The following RBFOX1 variants were observed in gnomAD, a reference collection of about 807,000 sequenced individuals.
RBFOX1 encodes the protein RNA binding protein fox-1 homolog 1.
In RBFOX1, 8 loss-of-function variants were observed where a neutral mutation model predicts 57.7. The ratio of observed to expected loss-of-function variants is 0.14; its 90% CI spans 0.08 to 0.25. The LOEUF (loss-of-function observed/expected upper bound fraction) is 0.25. RBFOX1 is among the 10% of genes least tolerant of loss of function. The pLI is 1.00. For synonymous variants in RBFOX1, 326 were observed against 222.4 expected, an observed-to-expected ratio of 1.47 and a Z score of -4.15; for missense variants, 611 against 548.5, an observed-to-expected ratio of 1.11 and a Z score of -1.14.
At chr16:5,434,637 C>G (rs754408534) in intron 1 of RBFOX1, among the ~76,000 whole-genome samples, 1 of 152,034 alleles carries the variant, frequency 6.6e-6, no homozygotes, top group Non-Finnish European at 1.5e-5. Context: ...AGTTCTCCTT[C>G]GTGCCTCTAA....
At chr16:7,415,689 T>C (rs542737020) in intron 4 of RBFOX1, among the ~76,000 whole-genome samples, 3 of 152,310 alleles carry the variant, frequency 2.0e-5, no homozygotes, top group South Asian at 4.1e-4. Flanking sequence ...GAAGCACTAG[T>C]TGAATTCCAA....
chr16:6,176,839 T>C (rs750033627), intron 1 of RBFOX1, among the ~76,000 whole-genome samples: 44 of 152,192 alleles, frequency 2.9e-4, no homozygotes, highest in Non-Finnish European at 5.6e-4. Context: ...GAGTGCTTGC[T>C]TCTAGCCTAA....
intron 3 of RBFOX1, among the ~76,000 whole-genome samples, chr16:5,774,547 G>T (rs993524292): frequency 6.6e-6 from 1 of 152,194 alleles, no homozygotes; most frequent in African/African-American, 2.4e-5. Context: ...ATCCTAGTAA[G>T]TAGTAGTTAT....
intron 1 of RBFOX1, among the ~76,000 whole-genome samples, chr16:6,029,629 C>T (rs1333957293): frequency 1.3e-5 from 2 of 151,986 alleles, no homozygotes; most frequent in Admixed American, 6.6e-5. Flanking sequence ...AAAAATTAGC[C>T]GGGCGTGGTG....
rs186687789 is a variant in RBFOX1 at position 6,761,542 on chromosome 16, C to G, written c.-16+106892C>G. ...TTTTTTTTTGAGACAGAGTCTTGCTCTGTCACCCAGGCTGGAGTGCAGTGG... is the reference window on the plus strand; with the variant it reads ...TTTTTTTTTGAGACAGAGTCTTGCTGTGTCACCCAGGCTGGAGTGCAGTGG... On this transcript the variant is annotated intron_variant, in intron 3 of 15. Transcript: ENST00000550418. 3.7e-3 allele frequency among the ~76,000 whole-genome samples: 406 copies of G among 110,568 alleles called. 3 individuals carry two copies. The highest frequency in any genetic ancestry group is 0.013 in the African/African-American group (381 of 29,388). The allele number at this position is 110,568 out of a possible 152,430, so 72.5% of individuals were successfully genotyped here.
At chr16:7,243,692 G>A (rs2178711) in intron 4 of RBFOX1, among the ~76,000 whole-genome samples, 93,849 of 151,848 alleles carry the variant, frequency 0.62, 30,065 homozygotes, top group African/African-American at 0.78. Context: ...GGTTACAGGC[G>A]TGCATCATCA....
At chr16:7,226,455 T>C (rs2093128072) in intron 4 of RBFOX1, among the ~76,000 whole-genome samples, 1 of 152,162 alleles carries the variant, frequency 6.6e-6, no homozygotes, top group Admixed American at 6.5e-5. Flanking sequence ...GGTGTGTGTA[T>C]GTGCAGCCTG....
At chr16:6,368,053 C>T (rs1353920378) in intron 2 of RBFOX1, among the ~76,000 whole-genome samples, 1 of 152,098 alleles carries the variant, frequency 6.6e-6, no homozygotes, top group Non-Finnish European at 1.5e-5. Context: ...TCTTGGTCAC[C>T]CCCTCACACA....
intron 11 of RBFOX1, among the ~76,000 whole-genome samples, chr16:7,645,466 A>G (rs1399708397): frequency 1.3e-5 from 2 of 152,334 alleles, no homozygotes; most frequent in South Asian, 2.1e-4. Context: ...CTTGCCTTTC[A>G]TAATATTTTT....
Position 6,019,917 on chromosome 16 carries a change from G to A in RBFOX1, c.-202G>A, listed in dbSNP as rs899106482. ...CCAGCTTATGGTGAGTGTGGCTGGG[G>A]GTGCAGAGAGCGCACGGGAATTCGG... is the stretch of plus-strand genomic sequence containing the variant. On this transcript the variant is annotated 5_prime_UTR_variant, in exon 1 of 16. Coordinates refer to ENST00000550418, the MANE Select transcript of RBFOX1 (RefSeq NM_018723.4). The surrounding 1 kb of genome is among the most constrained non-coding windows in gnomAD (Gnocchi z 4.2). The A allele has an allele frequency of 1.3e-6, 2 of 1,534,870 alleles. No individual in the cohort carries two copies. The highest frequency in any genetic ancestry group is 1.4e-5 in the African/African-American group (1 of 73,020).
chr16:6,332,835 GA>G (rs2083201716), intron 2 of RBFOX1, among the ~76,000 whole-genome samples: 1 of 152,106 alleles, frequency 6.6e-6, no homozygotes, highest in Admixed American at 6.5e-5. Context: ...AAAGGTGTTG[GA>G]AAAATGTAGA....
chr16:5,929,030 A>T (rs1200042407), intron 4 of RBFOX1, among the ~76,000 whole-genome samples: 4 of 130,246 alleles, frequency 3.1e-5, no homozygotes, highest in African/African-American at 5.9e-5. Flanking sequence ...CTTCTTTCCA[A>T]TTTAAAAAAA....
intron 4 of RBFOX1, among the ~76,000 whole-genome samples, chr16:5,972,853 C>G (rs1567207421): frequency 6.6e-6 from 1 of 152,198 alleles, no homozygotes; most frequent in South Asian, 2.1e-4. Context: ...GGAGGTAAAT[C>G]TTGTCTTCAA....
rs182517574 is a variant in RBFOX1, at chr16:7,525,546, A to C, written c.270+7157A>C. On this transcript the variant is annotated intron_variant, in intron 5 of 15. Transcript: ENST00000550418. Reference sequence around the variant, plus strand: ...TTTGCACCCTCATGGACAGAACCTAAGAAGGCCTGACACCCACACCCTTGC... The same window carrying C: ...TTTGCACCCTCATGGACAGAACCTACGAAGGCCTGACACCCACACCCTTGC... Among the ~76,000 whole-genome samples the C allele has an allele frequency of 8.0e-3, 1,220 of 152,292 alleles. 4 individuals carry two copies. The highest frequency in any genetic ancestry group is 0.012 in the Non-Finnish European group (792 of 68,022).
At chr16:7,592,161 C>T (rs1167225206) in intron 7 of RBFOX1, among the ~76,000 whole-genome samples, 1 of 152,056 alleles carries the variant, frequency 6.6e-6, no homozygotes, top group East Asian at 1.9e-4. Flanking sequence ...AATCTCAACT[C>T]TAAATGAGGA....
chr16:5,987,742 G>A (rs916463402), intron 4 of RBFOX1, among the ~76,000 whole-genome samples: 1 of 152,140 alleles, frequency 6.6e-6, no homozygotes, highest in African/African-American at 2.4e-5. Context: ...GTTATGTTTA[G>A]TTTGAGGTTT....
At position 6,417,709 on chromosome 16, in the gene RBFOX1, A is replaced by ATTTTT. The variant is rs1416301414; in HGVS notation, c.-64+100652_-64+100653insTTTTT. Among the ~76,000 whole-genome samples the ATTTTT allele has an allele frequency of 4.2e-3, 456 of 109,056 alleles. 2 individuals carry two copies. Among genetic ancestry groups the ATTTTT allele is most frequent in the South Asian group, 8.7e-3 (30 of 3,448 alleles). 71.5% of individuals were successfully genotyped at this position (109,056 alleles called of 152,430 possible). The stretch of plus-strand genomic sequence containing the variant: ...CTGGCCTTAAACTCCTTTCTTTTTA[A>ATTTTT]AAAAAAAAAAAATTAAGTTCAAGGG... On this transcript the variant is annotated intron_variant, in intron 2 of 15. Coordinates refer to ENST00000550418, the MANE Select transcript of RBFOX1 (RefSeq NM_018723.4).
At chr16:6,299,592 G>GT (rs531460379) in intron 1 of RBFOX1, among the ~76,000 whole-genome samples, 179 of 152,212 alleles carry the variant, frequency 1.2e-3, no homozygotes, top group African/African-American at 3.8e-3. Flanking sequence ...TCACATCCAG[G>GT]TCACTCTCTA....
At chr16:7,635,536 T>A (rs978359243) in intron 11 of RBFOX1, among the ~76,000 whole-genome samples, 1 of 152,074 alleles carries the variant, frequency 6.6e-6, no homozygotes, top group Admixed American at 6.6e-5. Flanking sequence ...TTCTCCGTGG[T>A]TATTCAGGAA....
Sources: gnomAD v4.1 joint callset for allele counts (sites outside exome capture counted in the v4.1 genomes callset) on GRCh38, gnomAD v4.1.1 for gene constraint, Gnocchi (gnomAD v3.1) non-coding constraint, MANE v1.5 for transcripts, NCBI Gene and HGNC (gene_info 2026-07-23, HGNC 2026-07-21) for gene names.